Variants in LIPK observed in about 807,000 individuals in gnomAD.
The protein encoded by LIPK is lipase family member K.
Under a neutral mutation model 48.6 loss-of-function variants are expected in LIPK, and 32 were observed. The observed-to-expected ratio is 0.66, with a 90% CI of 0.50 to 0.88. LIPK has a LOEUF of 0.88. Ranked by LOEUF, LIPK falls within the 40% of genes least tolerant of loss-of-function variation. The pLI is 0.00. For synonymous variants in LIPK, 164 were observed against 157.4 expected, an observed-to-expected ratio of 1.04 and a Z score of -0.32; for missense variants, 507 against 478.5, an observed-to-expected ratio of 1.06 and a Z score of -0.56.
intron 1 of LIPK, among the ~76,000 whole-genome samples, chr10:88,716,330 G>A (rs1173185498): frequency 2.0e-5 from 3 of 149,622 alleles, no homozygotes; most frequent in African/African-American, 7.4e-5. Flanking sequence ...TAGAGTTTGA[G>A]GAAATCAGAG....
chr10:88,722,893 T>TTTTTTTTTTC (rs1842258438), intron 1 of LIPK, among the ~76,000 whole-genome samples: 1 of 138,072 alleles, frequency 7.2e-6, no homozygotes, highest in Non-Finnish European at 1.5e-5. Context: ...TTTTTTCTTT[T>TTTTTTTTTTC]TTTTTTTTGA....
intron 4 of LIPK, 68 bp from the exon 5 acceptor site, chr10:88,732,110 C>T (rs17433168): frequency 0.04 from 38,933 of 971,462 alleles, 1,023 homozygotes; most frequent in African/African-American, 0.066. Context: ...CTTCACTGAA[C>T]GTGTTTAAAT....
chr10:88,733,085 TTG>T (rs1367130953), intron 6 of LIPK, among the ~76,000 whole-genome samples: 1 of 152,238 alleles, frequency 6.6e-6, no homozygotes, highest in African/African-American at 2.4e-5. Context: ...GTATTGCATA[TTG>T]TAAACCTTTA....
intron 1 of LIPK, among the ~76,000 whole-genome samples, chr10:88,716,603 C>T (rs1042510533): frequency 4.6e-5 from 7 of 152,200 alleles, no homozygotes; most frequent in Admixed American, 1.3e-4. Flanking sequence ...GTGATCCACA[C>T]GCCTCGGCCT....
rs1033810394 is a variant in LIPK at position 88,737,635 on chromosome 10, G to C, written c.670G>C (p.Val224Leu). The change falls in exon 7 of 10, where the codon GTG (valine) becomes CTG (leucine). Residue 224 changes from valine (V) to leucine (L), a missense_variant and splice_region_variant. Physicochemically the swap from Val to Leu is conservative, Grantham distance 32. Transcript: ENST00000404190. ...LTTLSRRVVK[V>L]LFGDKMFHPH... ...GATGGTGTTTTAAATTATCTTGTAG[G>C]TGTTGTTTGGTGACAAAATGTTCCA... The C allele has an allele frequency of 6.2e-7, 1 of 1,613,284 alleles. No homozygotes were observed. Among genetic ancestry groups the C allele is most frequent in the African/African-American group, 1.3e-5 (1 of 75,036 alleles).
At chr10:88,731,931 T>C (rs780469420) in intron 4 of LIPK, among the ~76,000 whole-genome samples, 4 of 152,234 alleles carry the variant, frequency 2.6e-5, no homozygotes, top group Non-Finnish European at 4.4e-5. Flanking sequence ...TGAATACGAC[T>C]AGCCTTGCAA....
Position 88,726,924 on chromosome 10 carries a change from T to C in LIPK, c.223+12T>C, listed in dbSNP as rs1204226707. The C allele has an allele frequency of 6.8e-7, 1 of 1,463,654 alleles. No individual in the cohort carries two copies. Among genetic ancestry groups the C allele is most frequent in the South Asian group, 1.2e-5 (1 of 83,968 alleles). The allele number at this position is 1,463,654 out of a possible 1,614,324, so 90.7% of individuals were successfully genotyped here. A position where few individuals can be genotyped will look rare whatever the true frequency, so the allele number is the denominator to read the frequency against. ...CCCAGGGAGGACAGGTATTATTTAT[T>C]TTGTTATGAAAGGAAAAATACTTAA... On this transcript the variant is annotated intron_variant, in intron 3 of 9. Transcript: ENST00000404190.
intron 2 of LIPK, among the ~76,000 whole-genome samples, chr10:88,725,304 A>T (rs1488336486): frequency 6.6e-6 from 1 of 152,186 alleles, no homozygotes; most frequent in East Asian, 1.9e-4. Context: ...AGTACCCTTG[A>T]TCTCCTACCA....
chr10:88,741,587 G>A (rs1490423578), intron 8 of LIPK, among the ~76,000 whole-genome samples: 1 of 152,142 alleles, frequency 6.6e-6, no homozygotes, highest in South Asian at 2.1e-4. Context: ...CTTTGACAGA[G>A]AGTCCTCTTC....
intron 8 of LIPK, among the ~76,000 whole-genome samples, chr10:88,741,936 T>C (rs893050388): frequency 6.6e-6 from 1 of 152,138 alleles, no homozygotes; most frequent in Admixed American, 6.5e-5. Context: ...AGACAAGTGT[T>C]TTAACAGACT....
chr10:88,736,300 T>C (rs1442145091), intron 6 of LIPK, among the ~76,000 whole-genome samples: 1 of 152,286 alleles, frequency 6.6e-6, no homozygotes, highest in South Asian at 2.1e-4. Flanking sequence ...TGGAAAGTAA[T>C]AATAAGCCTT....
intron 1 of LIPK, among the ~76,000 whole-genome samples, chr10:88,708,495 T>C (rs901955602): frequency 6.6e-6 from 1 of 152,062 alleles, no homozygotes; most frequent in Non-Finnish European, 1.5e-5. Flanking sequence ...TAAATATTAT[T>C]TTTGCTTCTA....
intron 7 of LIPK, among the ~76,000 whole-genome samples, chr10:88,739,729 C>T (rs954325576): frequency 3.3e-5 from 5 of 151,924 alleles, no homozygotes; most frequent in South Asian, 2.1e-4. Context: ...CGTGGTGGTG[C>T]GCACCTGTAG....
chr10:88,731,223 C>A, intron 4 of LIPK, 42 bp downstream of exon 4: 1 of 1,417,646 alleles, frequency 7.1e-7, no homozygotes, highest in Non-Finnish European at 9.3e-7. Flanking sequence ...GTACTTTCCT[C>A]ATGCATATGT....
intron 3 of LIPK, among the ~76,000 whole-genome samples, chr10:88,729,601 C>G (rs1842424687): frequency 6.6e-6 from 1 of 152,184 alleles, no homozygotes; most frequent in African/African-American, 2.4e-5. Flanking sequence ...ATGAGAAACT[C>G]TTTTTCTAAT....
chr10:88,720,045 T>C (rs1842192969), intron 1 of LIPK, among the ~76,000 whole-genome samples: 1 of 152,094 alleles, frequency 6.6e-6, no homozygotes, highest in Non-Finnish European at 1.5e-5. Context: ...CTGACTGCAG[T>C]AGCTAGAGGG....
chr10:88,725,598 AT>A (rs1431706276), intron 2 of LIPK, among the ~76,000 whole-genome samples: 1 of 152,206 alleles, frequency 6.6e-6, no homozygotes, highest in Non-Finnish European at 1.5e-5. Flanking sequence ...TTACTTTAGC[AT>A]TAATCTTTTT....
intron 6 of LIPK, among the ~76,000 whole-genome samples, chr10:88,734,558 T>C (rs536802231): frequency 6.6e-6 from 1 of 152,284 alleles, no homozygotes; most frequent in South Asian, 2.1e-4. Flanking sequence ...ATGACACGCA[T>C]AATGCCCCTT....
intron 7 of LIPK, 78 bp from the exon 8 acceptor site, chr10:88,739,918 T>A (rs1842646480): frequency 8.2e-6 from 7 of 853,746 alleles, no homozygotes; most frequent in South Asian, 1.9e-5. Context: ...AAGAAGAAAC[T>A]TTTTAAATTT....
Sources: gnomAD v4.1 joint callset for allele counts (sites outside exome capture counted in the v4.1 genomes callset) on GRCh38, gnomAD v4.1.1 for gene constraint, MANE v1.5 for transcripts, NCBI Gene and HGNC (gene_info 2026-07-23, HGNC 2026-07-21) for gene names.